SLC9A9: variants seen among roughly 807,000 people sequenced by gnomAD.
SLC9A9 encodes solute carrier family 9 member A9.
Under a neutral mutation model 77.8 loss-of-function variants are expected in SLC9A9, and 62 were observed. The ratio of observed to expected loss-of-function variants is 0.80; its 90% CI spans 0.65 to 0.98. The LOEUF is 0.98. Among genes scored for constraint, SLC9A9 ranks in the 50% least tolerant of loss-of-function variants. The pLI, the probability that SLC9A9 is intolerant of heterozygous loss-of-function variation, is 0.00. For synonymous variants in SLC9A9, 320 were observed against 283.5 expected, an observed-to-expected ratio of 1.13 and a Z score of -1.29; for missense variants, 775 against 774.9, an observed-to-expected ratio of 1.00 and a Z score of 0.00.
intron 2 of SLC9A9, among the ~76,000 whole-genome samples, chr3:143,816,189 G>A (rs1446116456): frequency 6.6e-6 from 1 of 151,984 alleles, no homozygotes; most frequent in Non-Finnish European, 1.5e-5. Context: ...ACCATAGTTA[G>A]TATTGCTTGT....
At chr3:143,843,851 G>T (rs901773247) in intron 1 of SLC9A9, among the ~76,000 whole-genome samples, 1 of 152,062 alleles carries the variant, frequency 6.6e-6, no homozygotes, top group Non-Finnish European at 1.5e-5. Context: ...TACTTTAACC[G>T]CTAATTGTCA....
chr3:143,543,479 G>A (rs1324314230), intron 9 of SLC9A9, among the ~76,000 whole-genome samples: 1 of 151,894 alleles, frequency 6.6e-6, no homozygotes, highest in Non-Finnish European at 1.5e-5. Context: ...GGGTACGGCT[G>A]ATCCTGTCAC....
At chr3:143,806,596 T>G (rs2008719752) in intron 2 of SLC9A9, among the ~76,000 whole-genome samples, 1 of 152,198 alleles carries the variant, frequency 6.6e-6, no homozygotes, top group South Asian at 2.1e-4. Context: ...ATTTTTTAAT[T>G]AAAAATTTTA....
At chr3:143,686,430 G>A (rs953000809) in intron 5 of SLC9A9, among the ~76,000 whole-genome samples, 2 of 152,126 alleles carry the variant, frequency 1.3e-5, no homozygotes, top group African/African-American at 2.4e-5. Context: ...AGAAAGCTCT[G>A]TGATTAGGGG....
At chr3:143,278,238 C>T (rs1480644082) in intron 14 of SLC9A9, among the ~76,000 whole-genome samples, 2 of 152,210 alleles carry the variant, frequency 1.3e-5, no homozygotes, top group Non-Finnish European at 1.5e-5. Context: ...AAAGAGGAAA[C>T]TACCTTCAGT....
chr3:143,532,917 G>A (rs1465400050), intron 9 of SLC9A9, among the ~76,000 whole-genome samples: 2 of 152,170 alleles, frequency 1.3e-5, no homozygotes, highest in East Asian at 1.9e-4. Context: ...TATTCTTTAG[G>A]TCTCAGCTGA....
intron 9 of SLC9A9, among the ~76,000 whole-genome samples, chr3:143,514,860 G>A (rs1283610391): frequency 6.6e-6 from 1 of 151,816 alleles, no homozygotes; most frequent in Non-Finnish European, 1.5e-5. Flanking sequence ...GCTTTTTTTT[G>A]TTATCATTTG....
At chr3:143,815,587 C>T (rs56124843) in intron 2 of SLC9A9, among the ~76,000 whole-genome samples, 4,885 of 152,004 alleles carry the variant, frequency 0.032, 99 homozygotes, top group African/African-American at 0.049. Flanking sequence ...TAATATCCGC[C>T]GGGCGCAGTG....
intron 13 of SLC9A9, among the ~76,000 whole-genome samples, chr3:143,367,202 T>C (rs1343990585): frequency 6.6e-6 from 1 of 152,200 alleles, no homozygotes; most frequent in Non-Finnish European, 1.5e-5. Context: ...GCAACATACA[T>C]TAGGTAGTAT....
At chr3:143,773,447 T>A (rs2007593556) in intron 4 of SLC9A9, among the ~76,000 whole-genome samples, 1 of 152,036 alleles carries the variant, frequency 6.6e-6, no homozygotes, top group African/African-American at 2.4e-5. Context: ...TTAATATAAT[T>A]TATATGTTGG....
chr3:143,647,019 A>G (rs1003798764), intron 6 of SLC9A9, among the ~76,000 whole-genome samples: 2 of 151,938 alleles, frequency 1.3e-5, no homozygotes, highest in African/African-American at 2.4e-5. Context: ...TCATTTGTCC[A>G]TTTTTCTATT....
intron 9 of SLC9A9, among the ~76,000 whole-genome samples, chr3:143,541,977 A>G (rs1352165562): frequency 6.6e-6 from 1 of 152,218 alleles, no homozygotes; most frequent in Non-Finnish European, 1.5e-5. Context: ...CCCAGGACAT[A>G]GAAGGTACCC....
At chr3:143,367,758 T>C (rs543126488) in intron 13 of SLC9A9, among the ~76,000 whole-genome samples, 15 of 152,284 alleles carry the variant, frequency 9.9e-5, no homozygotes, top group African/African-American at 3.6e-4. Context: ...TCAAGGACAA[T>C]AGATGTGAGC....
chr3:143,275,985 G>C (rs77478571), intron 14 of SLC9A9, among the ~76,000 whole-genome samples: 6,018 of 152,270 alleles, frequency 0.04, 129 homozygotes, highest in Non-Finnish European at 0.051. Context: ...ATGGCGGTTT[G>C]CATGATGAGC....
chr3:143,657,857 A>T (rs75908436), intron 5 of SLC9A9, among the ~76,000 whole-genome samples: 3 of 152,034 alleles, frequency 2.0e-5, no homozygotes, highest in Admixed American at 6.6e-5. Context: ...AATATGGTAA[A>T]TTTTTTTATT....
At position 143,266,343 on chromosome 3, in the gene SLC9A9, T is replaced by C; in HGVS notation, c.*359A>G. On this transcript the variant is annotated 3_prime_UTR_variant, in exon 16 of 16. Coordinates refer to ENST00000316549, the MANE Select transcript of SLC9A9 (RefSeq NM_173653.4). ...ACTCTCCTTAATGGAGGGAATAAAATCCAGAATAGAAGTGAAGGGCCTGGA... is the reference window on the plus strand; with the variant it reads ...ACTCTCCTTAATGGAGGGAATAAAACCCAGAATAGAAGTGAAGGGCCTGGA... 1.8e-6 allele frequency: 1 copy of C among 559,776 alleles called. No individual in the cohort carries two copies. Among genetic ancestry groups the C allele is most frequent in the Non-Finnish European group, 3.2e-6 (1 of 314,508 alleles). The allele number at this position is 559,776 out of a possible 1,614,324, so 34.7% of individuals were successfully genotyped here. A position where few individuals can be genotyped will look rare whatever the true frequency, so the allele number is the denominator to read the frequency against.
At chr3:143,513,781 A>G (rs1001478778) in intron 9 of SLC9A9, among the ~76,000 whole-genome samples, 3 of 152,246 alleles carry the variant, frequency 2.0e-5, no homozygotes, top group Non-Finnish European at 4.4e-5. Context: ...GCACATAGCT[A>G]TCAGAGCTCT....
intron 14 of SLC9A9, among the ~76,000 whole-genome samples, chr3:143,345,194 C>A (rs1576438393): frequency 6.6e-6 from 1 of 152,124 alleles, no homozygotes; most frequent in African/African-American, 2.4e-5. Context: ...AGTATAAATT[C>A]GTTTTTGTTT....
chr3:143,390,822 G>T (rs2033544855), intron 12 of SLC9A9, among the ~76,000 whole-genome samples: 1 of 152,214 alleles, frequency 6.6e-6, no homozygotes, highest in African/African-American at 2.4e-5. Flanking sequence ...CTGGCTCAGA[G>T]GGTCCCACAC....
Sources: allele counts gnomAD v4.1 joint callset (sites outside exome capture counted in the v4.1 genomes callset), GRCh38; gene constraint gnomAD v4.1.1; transcripts MANE v1.5; gene names NCBI Gene and HGNC (gene_info 2026-07-23, HGNC 2026-07-21).